The following LDAH variants were observed in gnomAD, a reference collection of about 807,000 sequenced individuals.
LDAH encodes lipid droplet-associated hydrolase.
LDAH carries 26 observed loss-of-function variants against 29.6 expected under a neutral mutation model. The observed-to-expected ratio is 0.88, with a 90% CI of 0.64 to 1.22. The LOEUF is 1.22. LDAH is among the 50% of genes most tolerant of loss of function. The pLI is 0.00. For synonymous variants in LDAH, 117 were observed against 133.0 expected (o/e 0.88, Z 0.83); for missense variants, 344 against 387.3 (o/e 0.89, Z 0.94).
chr2:20,784,886 C>CA lies in LDAH; in HGVS notation c.298+5368dup, dbSNP rs542165189. Among the ~76,000 whole-genome samples, 261 of 149,928 alleles carry CA rather than the reference C, an allele frequency of 1.7e-3. 2 individuals are homozygous for CA. The highest frequency in any genetic ancestry group is 5.5e-3 in the African/African-American group (224 of 40,758). Reference sequence around the variant, plus strand: ...TGGGCGAGAGAGTGAGACCCTGTCTCAAAAAAAACAAAAAAAACAAAAAAA... The same window carrying CA: ...TGGGCGAGAGAGTGAGACCCTGTCTCAAAAAAAAACAAAAAAAACAAAAAAA... On this transcript the variant is annotated intron_variant, in intron 3 of 6. Transcript: ENST00000237822.
At chr2:20,767,518 G>T (rs1223098048) in intron 4 of LDAH, among the ~76,000 whole-genome samples, 1 of 152,222 alleles carries the variant, frequency 6.6e-6, no homozygotes, top group African/African-American at 2.4e-5. Flanking sequence ...AAATTGAGGG[G>T]GTGTGTTGAG....
chr2:20,710,681 T>C (rs1029361416), intron 5 of LDAH, among the ~76,000 whole-genome samples: 3 of 144,068 alleles, frequency 2.1e-5, no homozygotes, highest in African/African-American at 5.2e-5. Flanking sequence ...TACATATATA[T>C]ACACATATAT....
intron 4 of LDAH, among the ~76,000 whole-genome samples, chr2:20,741,637 C>G (rs188688557): frequency 5.8e-4 from 89 of 152,260 alleles, no homozygotes; most frequent in African/African-American, 2.1e-3. Context: ...CACTGCCCAC[C>G]ACCCCAGACT....
chr2:20,746,779 T>G (rs971126758), intron 4 of LDAH, among the ~76,000 whole-genome samples: 2 of 152,182 alleles, frequency 1.3e-5, no homozygotes, highest in Non-Finnish European at 2.9e-5. Context: ...AAACATTTTC[T>G]TATGTTACTA....
intron 5 of LDAH, among the ~76,000 whole-genome samples, chr2:20,736,293 T>A (rs763543592): frequency 9.9e-5 from 15 of 151,930 alleles, no homozygotes; most frequent in Non-Finnish European, 1.8e-4. Flanking sequence ...AATACAAAAA[T>A]TAGCTGGGAG....
At chr2:20,797,442 C>T (rs1223448873) in intron 2 of LDAH, among the ~76,000 whole-genome samples, 1 of 152,128 alleles carries the variant, frequency 6.6e-6, no homozygotes, top group Non-Finnish European at 1.5e-5. Context: ...GCTGGAAATC[C>T]GTCAATGAAA....
intron 5 of LDAH, among the ~76,000 whole-genome samples, chr2:20,711,968 C>G (rs567013213): frequency 9.9e-4 from 151 of 152,378 alleles, no homozygotes; most frequent in African/African-American, 3.4e-3. Context: ...CATAGCTGAA[C>G]AAAAGGCAGC....
At chr2:20,791,698 C>T (rs1423215926) in intron 2 of LDAH, among the ~76,000 whole-genome samples, 1 of 152,138 alleles carries the variant, frequency 6.6e-6, no homozygotes, top group Non-Finnish European at 1.5e-5. Context: ...GGGGCTATAA[C>T]ATCTATGGAA....
intron 6 of LDAH, among the ~76,000 whole-genome samples, chr2:20,691,129 A>G (rs1266864088): frequency 6.6e-6 from 1 of 152,164 alleles, no homozygotes; most frequent in Non-Finnish European, 1.5e-5. Context: ...ATGAAAACTA[A>G]TAGAGTGTGA....
intron 2 of LDAH, among the ~76,000 whole-genome samples, chr2:20,796,715 G>T (rs1572650859): frequency 6.6e-6 from 1 of 152,226 alleles, no homozygotes; most frequent in East Asian, 1.9e-4. Flanking sequence ...AGACTTTCTG[G>T]TTCAGAAGGT....
intron 5 of LDAH, among the ~76,000 whole-genome samples, chr2:20,720,231 A>T (rs756508925): frequency 1.3e-5 from 2 of 152,088 alleles, no homozygotes; most frequent in Non-Finnish European, 1.5e-5. Context: ...CCATCAAAAA[A>T]CTCTCAGAAC....
intron 5 of LDAH, among the ~76,000 whole-genome samples, chr2:20,736,108 A>G (rs1666764117): frequency 6.6e-6 from 1 of 152,208 alleles, no homozygotes; most frequent in African/African-American, 2.4e-5. Context: ...GCTGGAGTAG[A>G]GTAGAGCAGT....
chr2:20,729,051 C>T (rs1666214910), intron 5 of LDAH, among the ~76,000 whole-genome samples: 1 of 152,100 alleles, frequency 6.6e-6, no homozygotes, highest in Non-Finnish European at 1.5e-5. Context: ...GAAAGGAAGC[C>T]CAGGGTTCTT....
intron 5 of LDAH, among the ~76,000 whole-genome samples, chr2:20,703,544 T>C (rs1252506599): frequency 6.6e-6 from 1 of 152,244 alleles, no homozygotes; most frequent in Non-Finnish European, 1.5e-5. Flanking sequence ...CTTCTGAATA[T>C]TGTTCACTGC....
intron 3 of LDAH, chr2:20,789,054 A>C (rs1255699052): frequency 3.4e-5 from 48 of 1,428,974 alleles, no homozygotes; most frequent in Non-Finnish European, 4.4e-5. Flanking sequence ...ATCGCTATTA[A>C]ATCTTGCTCC....
chr2:20,801,975 T>C (rs950370218), intron 1 of LDAH, among the ~76,000 whole-genome samples: 3 of 151,560 alleles, frequency 2.0e-5, no homozygotes, highest in African/African-American at 7.3e-5. Flanking sequence ...TGTGTGTGTG[T>C]GTATGTATGA....
At chr2:20,701,201 A>C (rs1300440351) in intron 6 of LDAH, among the ~76,000 whole-genome samples, 2 of 152,244 alleles carry the variant, frequency 1.3e-5, no homozygotes, top group Non-Finnish European at 1.5e-5. Context: ...ACTAGTCATG[A>C]GATCATATAA....
chr2:20,719,224 G>GTTTTT (rs61437825), intron 5 of LDAH, among the ~76,000 whole-genome samples: 2,180 of 130,418 alleles, frequency 0.017, 28 homozygotes, highest in East Asian at 0.054. Flanking sequence ...AAATGAAAAA[G>GTTTTT]TTTTTTTTTT....
At chr2:20,732,547 A>C (rs1037976791) in intron 5 of LDAH, among the ~76,000 whole-genome samples, 3 of 152,204 alleles carry the variant, frequency 2.0e-5, no homozygotes, top group African/African-American at 7.2e-5. Flanking sequence ...TAAAATTACA[A>C]ATTGAGTTTC....
Sources: gnomAD v4.1 joint callset for allele counts (sites outside exome capture counted in the v4.1 genomes callset) on GRCh38, gnomAD v4.1.1 for gene constraint, MANE v1.5 for transcripts, NCBI Gene and HGNC (gene_info 2026-07-23, HGNC 2026-07-21) for gene names.